The following TYR variants were observed in gnomAD, a reference collection of about 807,000 sequenced individuals.
TYR encodes LB24-AB.
Under a neutral mutation model 51.5 loss-of-function variants are expected in TYR, and 58 were observed. That is an observed-to-expected ratio of 1.13 (90% CI 0.91 to 1.40). The LOEUF is 1.40. Among genes scored for constraint, TYR ranks in the 40% most tolerant of loss-of-function variants. TYR has a pLI of 0.00. For synonymous variants in TYR, 263 were observed against 235.2 expected (o/e 1.12, Z -1.08); for missense variants, 732 against 647.4 (o/e 1.13, Z -1.42).
At chr11:89,281,677 A>G (rs965162336) in intron 3 of TYR, among the ~76,000 whole-genome samples, 3 of 151,784 alleles carry the variant, frequency 2.0e-5, no homozygotes, top group Non-Finnish European at 4.4e-5. Context: ...TCATGGGTCC[A>G]AGAAAATTTG....
At chr11:89,198,397 GT>G (rs1307619815) in intron 2 of TYR, among the ~76,000 whole-genome samples, 1 of 152,086 alleles carries the variant, frequency 6.6e-6, no homozygotes, top group Non-Finnish European at 1.5e-5. Flanking sequence ...AAACTCAGTA[GT>G]TTGGTGTACC....
At chr11:89,259,938 G>T (rs1479164576) in intron 3 of TYR, among the ~76,000 whole-genome samples, 6 of 151,822 alleles carry the variant, frequency 4.0e-5, no homozygotes, top group Non-Finnish European at 8.8e-5. Context: ...GAACCAGATT[G>T]GTTCTTAAGA....
At chr11:89,273,842 A>C (rs1333008882) in intron 3 of TYR, among the ~76,000 whole-genome samples, 1 of 151,776 alleles carries the variant, frequency 6.6e-6, no homozygotes, top group African/African-American at 2.4e-5. Context: ...TGACTTGTAA[A>C]TGGCCATCTT....
intron 4 of TYR, among the ~76,000 whole-genome samples, chr11:89,292,271 C>T (rs865806744): frequency 2.0e-5 from 3 of 151,932 alleles, no homozygotes; most frequent in African/African-American, 7.2e-5. Context: ...CATGTTTATT[C>T]TCTCATATGT....
chr11:89,214,634 T>G (rs1163739899), intron 2 of TYR, among the ~76,000 whole-genome samples: 1 of 152,200 alleles, frequency 6.6e-6, no homozygotes, highest in African/African-American at 2.4e-5. Flanking sequence ...CCAACCCAAA[T>G]GTCCATCAAT....
chr11:89,221,991 G>A (rs1943918002), intron 2 of TYR, among the ~76,000 whole-genome samples: 1 of 152,188 alleles, frequency 6.6e-6, no homozygotes. Context: ...ATGTGCCAAT[G>A]CCTAGCCAGT....
intron 3 of TYR, among the ~76,000 whole-genome samples, chr11:89,230,151 AATT>A (rs1944028185): frequency 6.6e-6 from 1 of 152,142 alleles, no homozygotes; most frequent in East Asian, 1.9e-4. Flanking sequence ...AAACTATAGT[AATT>A]ATAATGGCAT....
intron 2 of TYR, among the ~76,000 whole-genome samples, chr11:89,209,380 C>T (rs1338036053): frequency 6.6e-6 from 1 of 152,142 alleles, no homozygotes; most frequent in Non-Finnish European, 1.5e-5. Flanking sequence ...TGGAGCTTGG[C>T]AGGGAGAGGG....
chr11:89,267,876 T>C (rs1337039923), intron 3 of TYR, among the ~76,000 whole-genome samples: 1 of 151,956 alleles, frequency 6.6e-6, no homozygotes, highest in East Asian at 1.9e-4. Flanking sequence ...AAGTGCCAAG[T>C]ACAAAAGACT....
intron 3 of TYR, among the ~76,000 whole-genome samples, chr11:89,230,626 A>G (rs926132975): frequency 6.6e-6 from 1 of 152,120 alleles, no homozygotes; most frequent in African/African-American, 2.4e-5. Context: ...TTTGCAAACT[A>G]TACCTCTGAT....
Position 89,204,048 on chromosome 11 carries a change from A to G in TYR, c.1036+12630A>G, listed in dbSNP as rs187208987. Among the ~76,000 whole-genome samples, 14 of 152,252 alleles carry G rather than the reference A, an allele frequency of 9.2e-5. 1 individual carries two copies. In the East Asian group the frequency reaches 2.7e-3, roughly 30 times the overall value. On this transcript the variant is annotated intron_variant, in intron 2 of 4. Coordinates refer to ENST00000263321, the MANE Select transcript of TYR (RefSeq NM_000372.5). ...CAGGGAGGAATTAACCACTCTTCCT[A>G]CTTTACATGGAGGCAATGTGGAGGA...
At chr11:89,230,292 T>A (rs1944030145) in intron 3 of TYR, among the ~76,000 whole-genome samples, 1 of 152,120 alleles carries the variant, frequency 6.6e-6, no homozygotes, top group African/African-American at 2.4e-5. Context: ...GGACAGTGTC[T>A]GCAATTAGTC....
At chr11:89,285,733 C>T (rs1308080196) in intron 4 of TYR, among the ~76,000 whole-genome samples, 2 of 151,690 alleles carry the variant, frequency 1.3e-5, no homozygotes, top group Admixed American at 1.3e-4. Flanking sequence ...CACTGATACC[C>T]AGAGAATTTA....
intron 3 of TYR, among the ~76,000 whole-genome samples, chr11:89,267,851 A>C: frequency 6.6e-6 from 1 of 151,950 alleles, no homozygotes; most frequent in Non-Finnish European, 1.5e-5. Flanking sequence ...AATTGGAAGC[A>C]CTTGGTGTCC....
At chr11:89,203,183 A>G (rs750121962) in intron 2 of TYR, among the ~76,000 whole-genome samples, 16 of 152,206 alleles carry the variant, frequency 1.1e-4, no homozygotes, top group Non-Finnish European at 1.8e-4. Flanking sequence ...CAATTACACC[A>G]TGAGACAGGT....
Position 89,227,903 on chromosome 11 carries a change from A to G in TYR, c.1117A>G (p.Thr373Ala), listed in dbSNP as rs1468339625. The change falls in exon 3 of 5, where the codon ACA (threonine) becomes GCA (alanine). Residue 373 changes from threonine to alanine, a missense_variant. By Grantham distance (58) the Thr-to-Ala change is moderately conservative. Transcript: ENST00000263321. The part of the protein sequence containing the change: ...HNALHIYMNG[T>A]MSQVQGSAND... The stretch of plus-strand genomic sequence containing the variant: ...TGCCTTGCACATCTATATGAATGGA[A>G]CAATGTCCCAGGTACAGGGATCTGC... 2 of 1,613,576 alleles carry G rather than the reference A, an allele frequency of 1.2e-6. No individual in the cohort carries two copies. The highest frequency in any genetic ancestry group is 8.5e-7 in the Non-Finnish European group (1 of 1,179,756).
intron 2 of TYR, among the ~76,000 whole-genome samples, chr11:89,217,093 C>G (rs954780701): frequency 6.6e-6 from 1 of 152,132 alleles, no homozygotes; most frequent in Admixed American, 6.6e-5. Flanking sequence ...ATCAAGCACT[C>G]TTACCATAAT....
chr11:89,209,686 A>C (rs1165915807), intron 2 of TYR, among the ~76,000 whole-genome samples: 1 of 152,118 alleles, frequency 6.6e-6, no homozygotes, highest in Non-Finnish European at 1.5e-5. Context: ...GTGTAGCCTG[A>C]CTGGGAGACA....
chr11:89,245,573 A>G (rs1376053687), intron 3 of TYR, among the ~76,000 whole-genome samples: 1 of 152,202 alleles, frequency 6.6e-6, no homozygotes, highest in African/African-American at 2.4e-5. Flanking sequence ...AAGTTGATAA[A>G]AAATTTAGCA....
Sources: gnomAD v4.1 joint callset for allele counts (sites outside exome capture counted in the v4.1 genomes callset) on GRCh38, gnomAD v4.1.1 for gene constraint, MANE v1.5 for transcripts, NCBI Gene and HGNC (gene_info 2026-07-23, HGNC 2026-07-21) for gene names.